Variants in NAALADL2 observed in about 807,000 individuals in gnomAD.
NAALADL2 encodes inactive N-acetylated-alpha-linked acidic dipeptidase-like protein 2.
Under a neutral mutation model 87.2 loss-of-function variants are expected in NAALADL2, and 76 were observed. The observed-to-expected ratio is 0.87, with a 90% CI of 0.72 to 1.05. NAALADL2 has a LOEUF of 1.05. Among genes scored for constraint, NAALADL2 ranks in the 50% least tolerant of loss-of-function variants. The pLI, the probability that NAALADL2 is intolerant of heterozygous loss-of-function variation, is 0.00. For synonymous variants in NAALADL2, 354 were observed against 331.0 expected, an observed-to-expected ratio of 1.07 and a Z score of -0.75; for missense variants, 1,089 against 945.8, an observed-to-expected ratio of 1.15 and a Z score of -1.99.
chr3:175,290,250 C>T (rs1755489715), intron 4 of NAALADL2, among the ~76,000 whole-genome samples: 1 of 152,150 alleles, frequency 6.6e-6, no homozygotes, highest in Non-Finnish European at 1.5e-5. Context: ...AAGCCCCATA[C>T]TGGAGACAAT....
intron 12 of NAALADL2, among the ~76,000 whole-genome samples, chr3:175,744,672 A>C (rs1423541320): frequency 6.6e-6 from 1 of 152,226 alleles, no homozygotes; most frequent in African/African-American, 2.4e-5. Context: ...AATAGTTGCT[A>C]AATTGTAGGC....
intron 1 of NAALADL2, among the ~76,000 whole-genome samples, chr3:174,952,480 G>A (rs962145598): frequency 2.0e-5 from 3 of 152,004 alleles, no homozygotes; most frequent in Non-Finnish European, 4.4e-5. Context: ...GAAAGCCAGG[G>A]GTGTTTGGTC....
intron 1 of NAALADL2, among the ~76,000 whole-genome samples, chr3:174,450,948 A>G (rs1023874859): frequency 2.6e-5 from 4 of 152,062 alleles, no homozygotes; most frequent in South Asian, 2.1e-4. Context: ...TGCAGAAACC[A>G]TAAACATCAG....
chr3:175,593,621 A>G (rs76656709), intron 10 of NAALADL2, among the ~76,000 whole-genome samples: 6,628 of 152,236 alleles, frequency 0.044, 484 homozygotes, highest in African/African-American at 0.15. Flanking sequence ...AAACTGTTCC[A>G]TGCTTTGCTT....
intron 2 of NAALADL2, among the ~76,000 whole-genome samples, chr3:175,134,681 G>T (rs2108670159): frequency 6.6e-6 from 1 of 150,906 alleles, no homozygotes; most frequent in East Asian, 1.9e-4. Flanking sequence ...GGTGAGGGTG[G>T]AACAATAAGT....
chr3:175,015,381 G>A lies in NAALADL2; in HGVS notation c.44-81409G>A, dbSNP rs149195244. On this transcript the variant is annotated intron_variant, in intron 1 of 13. Coordinates refer to ENST00000454872, the MANE Select transcript of NAALADL2 (RefSeq NM_207015.3). The stretch of plus-strand genomic sequence containing the variant: ...TCAAGATAAAAGTACTTGAACATTA[G>A]GGAAAAGCCTGTTCTGCCATTAGAG... 5.3e-4 allele frequency among the ~76,000 whole-genome samples: 81 copies of A among 152,220 alleles called. 1 individual carries two copies. The highest frequency in any genetic ancestry group is 1.4e-3 in the Admixed American group (21 of 15,248).
intron 3 of NAALADL2, among the ~76,000 whole-genome samples, chr3:174,762,233 C>T (rs1400711714): frequency 1.3e-5 from 2 of 149,312 alleles, no homozygotes; most frequent in Non-Finnish European, 3.0e-5. Flanking sequence ...CATCTCAGCT[C>T]ACTGCAAGCT....
intron 1 of NAALADL2, among the ~76,000 whole-genome samples, chr3:175,029,590 C>T (rs368811005): frequency 5.9e-4 from 89 of 152,012 alleles, no homozygotes; most frequent in East Asian, 1.7e-3. Context: ...GGGGAGAAAA[C>T]GAAATTTGAC....
chr3:175,050,584 A>G (rs1280592006), intron 1 of NAALADL2, among the ~76,000 whole-genome samples: 2 of 152,120 alleles, frequency 1.3e-5, no homozygotes, highest in East Asian at 3.9e-4. Context: ...TATTGTTTTT[A>G]TCAATTCACT....
In NAALADL2 at chr3:175,524,428, C is replaced by G. The variant is rs570045061; in HGVS notation, c.1654-51613C>G. Among the ~76,000 whole-genome samples the G allele has an allele frequency of 4.4e-3, 670 of 152,032 alleles. 4 individuals carry two copies. The highest frequency in any genetic ancestry group is 0.015 in the African/African-American group (643 of 41,486). ...ACTAACTTGTAATTTTTTGTGTGTACTTTTATCATAGGTAACTTTTAATAT... is the reference window on the plus strand; with the variant it reads ...ACTAACTTGTAATTTTTTGTGTGTAGTTTTATCATAGGTAACTTTTAATAT... On this transcript the variant is annotated intron_variant, in intron 9 of 13. Transcript: ENST00000454872.
At chr3:175,611,181 A>T (rs1359023273) in intron 10 of NAALADL2, among the ~76,000 whole-genome samples, 1 of 152,116 alleles carries the variant, frequency 6.6e-6, no homozygotes, top group South Asian at 2.1e-4. Flanking sequence ...TCACAATAAG[A>T]TAACTTAATG....
At chr3:175,537,517 C>T (rs184164757) in intron 9 of NAALADL2, among the ~76,000 whole-genome samples, 1 of 152,210 alleles carries the variant, frequency 6.6e-6, no homozygotes, top group East Asian at 1.9e-4. Flanking sequence ...ATACAAATAG[C>T]AACATTAATT....
chr3:174,485,415 A>G (rs1578004475), intron 1 of NAALADL2, among the ~76,000 whole-genome samples: 1 of 67,904 alleles, frequency 1.5e-5, no homozygotes, highest in Non-Finnish European at 2.4e-5. Context: ...CCTAGTACCC[A>G]TTATTTTTTT....
intron 1 of NAALADL2, among the ~76,000 whole-genome samples, chr3:175,086,560 TAA>T (rs1245933316): frequency 1.3e-5 from 2 of 152,202 alleles, no homozygotes; most frequent in Non-Finnish European, 2.9e-5. Flanking sequence ...GTCAATTATA[TAA>T]AAGTTCTGTT....
rs1280239178 is a variant in NAALADL2 at position 175,324,288 on chromosome 3, A to G, written c.1053A>G (p.Pro351=). 1 of 1,613,502 alleles carries G rather than the reference A, an allele frequency of 6.2e-7. No homozygotes were observed. The highest frequency in any genetic ancestry group is 8.5e-7 in the Non-Finnish European group (1 of 1,179,724). Residue 351 remains proline (P), a synonymous_variant, in exon 5 of 14, where the codon CCA becomes CCG. Coordinates refer to ENST00000454872, the MANE Select transcript of NAALADL2 (RefSeq NM_207015.3). The part of the protein sequence containing the change: ...SHDTFMVSLN[P]GGDPSTPGYP... The stretch of plus-strand genomic sequence containing the variant: ...ATACCTTCATGGTGTCACTGAATCC[A>G]GGAGGAGACCCTTCTACGCCTGGTT...
chr3:174,891,937 C>A (rs1010056246), intron 1 of NAALADL2, among the ~76,000 whole-genome samples: 2 of 152,054 alleles, frequency 1.3e-5, no homozygotes, highest in African/African-American at 4.8e-5. Flanking sequence ...GTAGGGAGGA[C>A]TTTGTCCTGC....
In NAALADL2 at chr3:175,560,292, T is replaced by C. The variant is rs868613624; in HGVS notation, c.1654-15749T>C. ...TAGTTATAATGTCTCCTTTTTCATC[T>C]CTGATTTCATTTATGTGGATCTTCT... On this transcript the variant is annotated intron_variant, in intron 9 of 13. Transcript: ENST00000454872. 1.7e-4 allele frequency among the ~76,000 whole-genome samples: 26 copies of C among 152,296 alleles called. 2 individuals carry two copies. The South Asian group carries it at 5.0e-3, about 29-fold the overall frequency.
At chr3:175,384,540 G>A (rs1447478253) in intron 5 of NAALADL2, among the ~76,000 whole-genome samples, 3 of 151,864 alleles carry the variant, frequency 2.0e-5, no homozygotes, top group African/African-American at 7.2e-5. Context: ...ACAAGAAAAA[G>A]TAGTCATACA....
At chr3:175,504,614 T>C (rs1384935143) in intron 9 of NAALADL2, among the ~76,000 whole-genome samples, 2 of 99,608 alleles carry the variant, frequency 2.0e-5, no homozygotes, top group African/African-American at 4.1e-5. Context: ...TCTCTCTCTC[T>C]CTCTCTCAGA....
Sources: gnomAD v4.1 joint callset for allele counts (sites outside exome capture counted in the v4.1 genomes callset) on GRCh38, gnomAD v4.1.1 for gene constraint, MANE v1.5 for transcripts, NCBI Gene and HGNC (gene_info 2026-07-23, HGNC 2026-07-21) for gene names.